UBE2M: variants seen among roughly 807,000 people sequenced by gnomAD.
UBE2M encodes NEDD8-conjugating enzyme Ubc12.
Under a neutral mutation model 23.5 loss-of-function variants are expected in UBE2M, and 2 were observed. That is an observed-to-expected ratio of 0.09 (90% CI 0.03 to 0.27). The LOEUF is 0.27. UBE2M is among the 10% of genes least tolerant of loss of function. The pLI, the probability that UBE2M is intolerant of heterozygous loss-of-function variation, is 1.00. For missense variants in UBE2M, 103 were observed against 232.9 expected (o/e 0.44, Z 3.63); for synonymous variants, 97 against 95.2 (o/e 1.02, Z -0.11).
In UBE2M at chr19:58,556,120, C is replaced by G. The variant is rs746877861; in HGVS notation, c.521G>C (p.Gly174Ala). Residue 174 changes from glycine (G) to alanine (A), a missense_variant, in exon 6 of 6, where the codon GGC becomes GCC. Around this residue, in one of 3 missense-constraint regions of UBE2M, gnomAD observed 34 missense variants for 45.6 expected, o/e 0.75. Coordinates refer to ENST00000253023, the MANE Select transcript of UBE2M (RefSeq NM_003969.4). The surrounding 1 kb of genome is among the most constrained non-coding windows in gnomAD (Gnocchi z 4.9). The part of the protein sequence containing the change: ...VQRSMRGGYI[G>A]STYFERCLK ...CAGGCAGCGCTCAAAGTAGGTGGAG[C>G]CGATGTAGCCACCCCGCATGGAGCG... The G allele has an allele frequency of 1.9e-6, 3 of 1,612,574 alleles. No homozygotes were observed. The highest frequency in any genetic ancestry group is 3.3e-5 in the Admixed American group (2 of 60,018).
At chr19:58,557,400 C>T (rs1272387538) in intron 1 of UBE2M, among the ~76,000 whole-genome samples, 2 of 151,980 alleles carry the variant, frequency 1.3e-5, no homozygotes, top group African/African-American at 4.8e-5. Flanking sequence ...ATGCGTGTCC[C>T]AACTCCTGGC....
chr19:58,556,819 G>A lies in UBE2M; in HGVS notation c.244-29C>T, dbSNP rs1337517762. Reference sequence around the variant, plus strand: ...GCTCCAGGAAAAGAAAAGAGAGATGGGTAGGTGCCTGGAAGGGCCTCAGCT... The same window carrying A: ...GCTCCAGGAAAAGAAAAGAGAGATGAGTAGGTGCCTGGAAGGGCCTCAGCT... On this transcript the variant is annotated intron_variant, in intron 3 of 5. Coordinates refer to ENST00000253023, the MANE Select transcript of UBE2M (RefSeq NM_003969.4). This position sits in a 1 kb window ranked among gnomAD's most constrained non-coding sequence, Gnocchi z 4.9. 1.2e-6 allele frequency: 2 copies of A among 1,611,594 alleles called. No individual in the cohort carries two copies. Among genetic ancestry groups the A allele is most frequent in the African/African-American group, 2.7e-5 (2 of 74,752 alleles).
In UBE2M at chr19:58,555,910, A is replaced by T; in HGVS notation, c.*179T>A. The T allele has an allele frequency of 2.4e-6, 2 of 817,748 alleles. No homozygotes were observed. The highest frequency in any genetic ancestry group is 1.8e-5 in the South Asian group (1 of 54,162). The allele number at this position is 817,748 out of a possible 1,614,324, so 50.7% of individuals were successfully genotyped here. A position where few individuals can be genotyped will look rare whatever the true frequency, so the allele number is the denominator to read the frequency against. ...GGTCGGGGGAGGCAGCGCCGACCTT[A>T]ATCACATGGTGTTAAAAAAAAAAAA... On this transcript the variant is annotated 3_prime_UTR_variant, in exon 6 of 6. Transcript: ENST00000253023.
chr19:58,557,670 C>A (rs1308930273), intron 1 of UBE2M, among the ~76,000 whole-genome samples: 2 of 150,824 alleles, frequency 1.3e-5, no homozygotes, highest in African/African-American at 4.9e-5. Flanking sequence ...CCCTACCCCA[C>A]CCCCTCTGAC....
At chr19:58,557,196 G>A (rs768504260) in intron 1 of UBE2M, 39 bp from the exon 2 acceptor site, 1 of 1,592,656 alleles carries the variant, frequency 6.3e-7, no homozygotes. Context: ...CAGAAAGAGG[G>A]AGGGGAAGAG....
chr19:58,558,170 C>T lies in UBE2M; in HGVS notation c.109+103G>A. 2.0e-6 allele frequency: 2 copies of T among 1,015,926 alleles called. No individual in the cohort carries two copies. The highest frequency in any genetic ancestry group is 2.8e-6 in the Non-Finnish European group (2 of 704,412). The allele number at this position is 1,015,926 out of a possible 1,614,324, so 62.9% of individuals were successfully genotyped here. ...CCCCCACGCTCGGGGCCCTTCACCTCTGACCCTCAGCAACCGCATTACCCC... is the reference window on the plus strand; with the variant it reads ...CCCCCACGCTCGGGGCCCTTCACCTTTGACCCTCAGCAACCGCATTACCCC... On this transcript the variant is annotated intron_variant, in intron 1 of 5. Transcript: ENST00000253023. The surrounding 1 kb of genome is among the most constrained non-coding windows in gnomAD (Gnocchi z 4.7).
In UBE2M at chr19:58,556,071, G is replaced by C; in HGVS notation, c.*18C>G. 2.5e-6 allele frequency: 4 copies of C among 1,592,412 alleles called. No homozygotes were observed. The highest frequency in any genetic ancestry group is 2.2e-5 in the South Asian group (2 of 90,702). On this transcript the variant is annotated 3_prime_UTR_variant, in exon 6 of 6. Transcript: ENST00000253023. The surrounding 1 kb of genome is among the most constrained non-coding windows in gnomAD (Gnocchi z 4.9). ...TGCCAGGGCTTGTGGCCGTGGCGGG[G>C]GTGGGTATGCGCCAACCCTATTTCA...
Position 58,556,624 on chromosome 19 carries a change from A to G in UBE2M, c.347+63T>C. The G allele has an allele frequency of 5.7e-6, 8 of 1,399,604 alleles. No homozygotes were observed. The South Asian group carries it at 8.4e-5, about 15-fold the overall frequency. 86.7% of individuals were successfully genotyped at this position (1,399,604 alleles called of 1,614,324 possible). A position where few individuals can be genotyped will look rare whatever the true frequency, so the allele number is the denominator to read the frequency against. On this transcript the variant is annotated intron_variant, in intron 4 of 5. Coordinates refer to ENST00000253023, the MANE Select transcript of UBE2M (RefSeq NM_003969.4). This position sits in a 1 kb window ranked among gnomAD's most constrained non-coding sequence, Gnocchi z 4.9. ...GGACAGAGTCTGATGTAGTGCCCAC[A>G]AGACCATGAGGGAGGCCTGGCAGGC...
In UBE2M at chr19:58,556,653, G is replaced by A. The variant is rs575469981; in HGVS notation, c.347+34C>T. 6 of 1,503,834 alleles carry A rather than the reference G, an allele frequency of 4.0e-6. No homozygotes were observed. Among genetic ancestry groups the A allele is most frequent in the Middle Eastern group, 2.3e-4 (1 of 4,428 alleles). The allele number at this position is 1,503,834 out of a possible 1,614,324, so 93.2% of individuals were successfully genotyped here. On this transcript the variant is annotated intron_variant, in intron 4 of 5. Coordinates refer to ENST00000253023, the MANE Select transcript of UBE2M (RefSeq NM_003969.4). This position sits in a 1 kb window ranked among gnomAD's most constrained non-coding sequence, Gnocchi z 4.9. ...CCATGAGGGAGGCCTGGCAGGCAGC[G>A]CTGAGGAGGGCATTAGAGGGCCAGT...
intron 1 of UBE2M, among the ~76,000 whole-genome samples, chr19:58,557,715 C>T (rs980849431): frequency 6.6e-6 from 1 of 151,074 alleles, no homozygotes; most frequent in African/African-American, 2.4e-5. Context: ...TAAATTTCCC[C>T]TCACCCCTGT....
At position 58,556,093 on chromosome 19, in the gene UBE2M, T is replaced by C; in HGVS notation, c.548A>G (p.Lys183Arg). 1 of 1,607,432 alleles carries C rather than the reference T, an allele frequency of 6.2e-7. No individual in the cohort carries two copies. The highest frequency in any genetic ancestry group is 2.2e-5 in the East Asian group (1 of 44,714). The change falls in exon 6 of 6, where the codon AAA becomes AGA. Residue 183 changes from lysine to arginine, a missense_variant. Lys to Arg is a conservative substitution (Grantham distance 26, BLOSUM62 2). Around this residue, in one of 3 missense-constraint regions of UBE2M, gnomAD observed 34 missense variants for 45.6 expected, o/e 0.75. Coordinates refer to ENST00000253023, the MANE Select transcript of UBE2M (RefSeq NM_003969.4). The surrounding 1 kb of genome is among the most constrained non-coding windows in gnomAD (Gnocchi z 4.9). Reference protein sequence around the residue: ...IGSTYFERCLK With the variant: ...IGSTYFERCLR ...GGGGGTGGGTATGCGCCAACCCTATTTCAGGCAGCGCTCAAAGTAGGTGGA... is the reference window on the plus strand; with the variant it reads ...GGGGGTGGGTATGCGCCAACCCTATCTCAGGCAGCGCTCAAAGTAGGTGGA...
chr19:58,558,240 C>CTCCG lies in UBE2M; in HGVS notation c.109+29_109+32dup, dbSNP rs1318138519. 6.3e-7 allele frequency: 1 copy of CTCCG among 1,587,280 alleles called. No individual in the cohort carries two copies. Among genetic ancestry groups the CTCCG allele is most frequent in the African/African-American group, 1.4e-5 (1 of 73,886 alleles). On this transcript the variant is annotated intron_variant, in intron 1 of 5. Coordinates refer to ENST00000253023, the MANE Select transcript of UBE2M (RefSeq NM_003969.4). This position sits in a 1 kb window ranked among gnomAD's most constrained non-coding sequence, Gnocchi z 4.7. ...CCTGCCTCAGGCCCTGACCTCCGAC[C>CTCCG]TCCGGCTCCAACCCCATCCCCTGAC...
rs1485070230 is a variant in UBE2M at position 58,556,121 on chromosome 19, C to T, written c.520G>A (p.Gly174Ser). ...AGGCAGCGCTCAAAGTAGGTGGAGC[C>T]GATGTAGCCACCCCGCATGGAGCGC... ...VQRSMRGGYI[G>S]STYFERCLK The change falls in exon 6 of 6, where the codon GGC becomes AGC. Residue 174 changes from glycine to serine, a missense_variant. Around this residue, in one of 3 missense-constraint regions of UBE2M, gnomAD observed 34 missense variants for 45.6 expected, o/e 0.75. Coordinates refer to ENST00000253023, the MANE Select transcript of UBE2M (RefSeq NM_003969.4). This position sits in a 1 kb window ranked among gnomAD's most constrained non-coding sequence, Gnocchi z 4.9. 1.2e-6 allele frequency: 2 copies of T among 1,612,720 alleles called. No homozygotes were observed. Among genetic ancestry groups the T allele is most frequent in the African/African-American group, 1.3e-5 (1 of 74,986 alleles).
chr19:58,558,287 A>G lies in UBE2M; in HGVS notation c.95T>C (p.Leu32Pro). ...GSSKKASAAQLRIQKDINELN... is the reference protein window; with the variant it reads ...GSSKKASAAQPRIQKDINELN... The stretch of plus-strand genomic sequence containing the variant: ...TGACCCCCTACCCTTCTGGATCCGC[A>G]GCTGCGCCGCCGACGCCTTCTTGCT... Residue 32 changes from leucine to proline, a missense_variant, in exon 1 of 6, where the codon CTG (leucine) becomes CCG (proline). Leu to Pro is a moderately conservative substitution (Grantham distance 98). This residue lies in a region of UBE2M where 57 missense variants were observed against 103.3 expected (regional missense o/e 0.55). Coordinates refer to ENST00000253023, the MANE Select transcript of UBE2M (RefSeq NM_003969.4). This position sits in a 1 kb window ranked among gnomAD's most constrained non-coding sequence, Gnocchi z 4.7. 6.2e-7 allele frequency: 1 copy of G among 1,601,510 alleles called. No homozygotes were observed. The highest frequency in any genetic ancestry group is 2.3e-5 in the East Asian group (1 of 43,136).
At position 58,556,505 on chromosome 19, in the gene UBE2M, G is replaced by A; in HGVS notation, c.348-126C>T. On this transcript the variant is annotated intron_variant, in intron 4 of 5. Coordinates refer to ENST00000253023, the MANE Select transcript of UBE2M (RefSeq NM_003969.4). The surrounding 1 kb of genome is among the most constrained non-coding windows in gnomAD (Gnocchi z 4.9). The stretch of plus-strand genomic sequence containing the variant: ...CATGTGAGAGGCTGGGAGGGAGGGT[G>A]TGGAGCAGGACAGGCCAAGGAGAAA... The A allele has an allele frequency of 4.3e-6, 5 of 1,171,748 alleles. No individual in the cohort carries two copies. Among genetic ancestry groups the A allele is most frequent in the Non-Finnish European group, 2.5e-6 (2 of 815,812 alleles). 72.6% of individuals were successfully genotyped at this position (1,171,748 alleles called of 1,614,324 possible).
chr19:58,557,348 G>GTGGA (rs1308976502), intron 1 of UBE2M, among the ~76,000 whole-genome samples, 191 bp from the exon 2 acceptor site: 3 of 151,926 alleles, frequency 2.0e-5, no homozygotes, highest in Non-Finnish European at 2.9e-5. Context: ...CTTGGCTCTT[G>GTGGA]TGGATACACA....
Position 58,556,428 on chromosome 19 carries a change from C to T in UBE2M, c.348-49G>A. ...CAGGGCTTGGTGAGTGGGAGACTGCCACAGGCCCCTCTGGTGTTGGGCAGG... is the reference window on the plus strand; with the variant it reads ...CAGGGCTTGGTGAGTGGGAGACTGCTACAGGCCCCTCTGGTGTTGGGCAGG... On this transcript the variant is annotated intron_variant, in intron 4 of 5. Coordinates refer to ENST00000253023, the MANE Select transcript of UBE2M (RefSeq NM_003969.4). The surrounding 1 kb of genome is among the most constrained non-coding windows in gnomAD (Gnocchi z 4.9). The T allele has an allele frequency of 6.3e-7, 1 of 1,592,058 alleles. No individual in the cohort carries two copies. Among genetic ancestry groups the T allele is most frequent in the Non-Finnish European group, 8.6e-7 (1 of 1,162,466 alleles).
rs1464505504 is a variant in UBE2M at position 58,558,571 on chromosome 19, TC to T, written c.-191del. 1 of 161,802 alleles carries T rather than the reference TC, an allele frequency of 6.2e-6. No individual in the cohort carries two copies. The allele number at this position is 161,802 out of a possible 1,614,324, so 10.0% of individuals were successfully genotyped here. A position where few individuals can be genotyped will look rare whatever the true frequency, so the allele number is the denominator to read the frequency against. Reference sequence around the variant, plus strand: ...CGCCCACCGCGCGGCCCGCCTCGGCTCCCGTAGTCCGGCTCCGGCCTGGCCC... The same window carrying T: ...CGCCCACCGCGCGGCCCGCCTCGGCTCCGTAGTCCGGCTCCGGCCTGGCCC... On this transcript the variant is annotated 5_prime_UTR_variant, in exon 1 of 6. Coordinates refer to ENST00000253023, the MANE Select transcript of UBE2M (RefSeq NM_003969.4). The surrounding 1 kb of genome is among the most constrained non-coding windows in gnomAD (Gnocchi z 4.7).
In UBE2M at chr19:58,557,048, C is replaced by A. The variant is rs1404744715; in HGVS notation, c.204+15G>T. 1 of 1,613,932 alleles carries A rather than the reference C, an allele frequency of 6.2e-7. No homozygotes were observed. The highest frequency in any genetic ancestry group is 1.7e-5 in the Admixed American group (1 of 59,990). On this transcript the variant is annotated intron_variant, in intron 2 of 5. Transcript: ENST00000253023. ...CTTGGTTTGCTCCTGGGAATTCAGC[C>A]ATATGCACCCTCACCTCATCAGGAC...
Sources: allele counts gnomAD v4.1 joint callset (sites outside exome capture counted in the v4.1 genomes callset), GRCh38; gene constraint gnomAD v4.1.1; regional missense constraint gnomAD v4.1.1; non-coding constraint Gnocchi (gnomAD v3.1); transcripts MANE v1.5; gene names NCBI Gene and HGNC (gene_info 2026-07-23, HGNC 2026-07-21).